USP45: variants seen among roughly 807,000 people sequenced by gnomAD.
The protein encoded by USP45 is ubiquitin specific peptidase 45.
A neutral mutation model predicts 95.8 loss-of-function variants in USP45; 89 were observed. That is an observed-to-expected ratio of 0.93 (90% CI 0.78 to 1.11). The LOEUF (loss-of-function observed/expected upper bound fraction) is 1.11. Among genes scored for constraint, USP45 ranks in the 50% least tolerant of loss-of-function variants. USP45 has a pLI of 0.00. For missense variants in USP45, 898 were observed against 942.5 expected (o/e 0.95, Z 0.62); for synonymous variants, 281 against 316.2 (o/e 0.89, Z 1.18).
Position 99,435,774 on chromosome 6 carries a change from G to A in USP45, c.2387C>T (p.Pro796Leu). Residue 796 changes from proline to leucine, a missense_variant, in exon 18 of 18, where the codon CCA becomes CTA. Coordinates refer to ENST00000500704, the MANE Select transcript of USP45 (RefSeq NM_001346022.3). ...HVSDTYLQVV[P>L]ESRALSAQAY... The stretch of plus-strand genomic sequence containing the variant: ...TTGTGCACTAAGTGCTCTTGATTCT[G>A]GAACCACCTGTAAGTAAGTGTCACT... 3 of 1,613,542 alleles carry A rather than the reference G, an allele frequency of 1.9e-6. No homozygotes were observed. Among genetic ancestry groups the A allele is most frequent in the Non-Finnish European group, 2.5e-6 (3 of 1,179,566 alleles).
At chr6:99,488,880 T>A in intron 5 of USP45, 60 bp from the exon 6 acceptor site, 1 of 1,240,344 alleles carries the variant, frequency 8.1e-7, no homozygotes, top group Middle Eastern at 2.9e-4. Flanking sequence ...TCACTTAACA[T>A]AATTTATATA....
chr6:99,442,288 G>A (rs1055020665), intron 15 of USP45, among the ~76,000 whole-genome samples: 3 of 152,072 alleles, frequency 2.0e-5, no homozygotes, highest in African/African-American at 4.8e-5. Context: ...TCCATTAGGC[G>A]CTCTGATATG....
chr6:99,466,718 A>C lies in USP45; in HGVS notation c.1061T>G (p.Phe354Cys). 6.2e-7 allele frequency: 1 copy of C among 1,613,598 alleles called. No homozygotes were observed. The highest frequency in any genetic ancestry group is 8.5e-7 in the Non-Finnish European group (1 of 1,179,728). ...GVKMNFIDRI[F>C]IGELTSTVMC... The stretch of plus-strand genomic sequence containing the variant: ...GACCGTGCTAGTTAATTCACCAATA[A>C]AGATCCGATCTATGAAGTTCATTTT... Residue 354 changes from phenylalanine to cysteine, a missense_variant, in exon 11 of 18, where the codon TTT becomes TGT. By Grantham distance (205) the Phe-to-Cys change is radical. Transcript: ENST00000500704.
At chr6:99,454,286 C>A (rs1204718374) in intron 13 of USP45, among the ~76,000 whole-genome samples, 1 of 152,180 alleles carries the variant, frequency 6.6e-6, no homozygotes, top group Non-Finnish European at 1.5e-5. Flanking sequence ...AGAATGTTAT[C>A]TCTCACCATA....
At chr6:99,496,199 G>A (rs1393089723) in intron 5 of USP45, among the ~76,000 whole-genome samples, 1 of 151,996 alleles carries the variant, frequency 6.6e-6, no homozygotes, top group Non-Finnish European at 1.5e-5. Context: ...GTCTATGCTC[G>A]TCCTGAAGAA....
Position 99,488,218 on chromosome 6 carries a change from A to G in USP45, c.696T>C (p.Pro232=). The change falls in exon 7 of 18, where the codon CCT becomes CCC. Residue 232 remains proline (P), a synonymous_variant. Coordinates refer to ENST00000500704, the MANE Select transcript of USP45 (RefSeq NM_001346022.3). ...TACTCACCAGCTGAGAGTCTGAGGAAGGAAAAATCTTGAGTTTTGTACTAC... is the reference window on the plus strand; with the variant it reads ...TACTCACCAGCTGAGAGTCTGAGGAGGGAAAAATCTTGAGTTTTGTACTAC... ...KESSTKLKIF[P]SSDSQLDPLV... 1.2e-6 allele frequency: 2 copies of G among 1,611,056 alleles called. No homozygotes were observed. The highest frequency in any genetic ancestry group is 1.7e-6 in the Non-Finnish European group (2 of 1,177,890).
intron 1 of USP45, among the ~76,000 whole-genome samples, chr6:99,510,868 C>T (rs1321170551): frequency 6.6e-6 from 1 of 152,062 alleles, no homozygotes; most frequent in African/African-American, 2.4e-5. Context: ...GTAAGTATTG[C>T]TTCTGGATAA....
chr6:99,495,017 C>A (rs1796003274), intron 5 of USP45, among the ~76,000 whole-genome samples: 1 of 152,078 alleles, frequency 6.6e-6, no homozygotes, highest in Admixed American at 6.6e-5. Flanking sequence ...CAAAGCATGA[C>A]CCCAAAGGCT....
Position 99,464,685 on chromosome 6 carries a change from A to G in USP45, c.1227T>C (p.His409=). The change falls in exon 13 of 18, where the codon CAT becomes CAC. Residue 409 remains histidine (H), a synonymous_variant. Coordinates refer to ENST00000500704, the MANE Select transcript of USP45 (RefSeq NM_001346022.3). ...TAGTAACATTGCCACTGTATCGATC[A>G]TGATCTGTCTCCCGTAAACTTCTAT... ...NKYRSLRETD[H]DRYSGNVTIE... is the part of the protein sequence containing the mutation. 6.2e-7 allele frequency: 1 copy of G among 1,613,086 alleles called. No individual in the cohort carries two copies. Among genetic ancestry groups the G allele is most frequent in the Non-Finnish European group, 8.5e-7 (1 of 1,179,820 alleles).
At chr6:99,455,761 T>C (rs974454241) in intron 13 of USP45, among the ~76,000 whole-genome samples, 3 of 130,338 alleles carry the variant, frequency 2.3e-5, no homozygotes, top group Non-Finnish European at 3.1e-5. Context: ...TTATGTTAAG[T>C]AAGGCAAGCT....
At chr6:99,496,863 T>G (rs547723595) in intron 5 of USP45, among the ~76,000 whole-genome samples, 177 of 152,060 alleles carry the variant, frequency 1.2e-3, no homozygotes, top group African/African-American at 4.2e-3. Flanking sequence ...ATGCATAGCC[T>G]CCATTATCAA....
rs189818763 is a variant in USP45 at position 99,495,903 on chromosome 6, T to C, written c.479-7083A>G. Among the ~76,000 whole-genome samples the C allele has an allele frequency of 2.6e-5, 4 of 152,340 alleles. No homozygotes were observed. In the East Asian group the frequency reaches 7.7e-4, roughly 29 times the overall value. On this transcript the variant is annotated intron_variant, in intron 5 of 17. Transcript: ENST00000500704. ...TATGTATCTGGAAGGATACTAGTTA[T>C]GTGACATCTTTGGGAAAACTGAGAA... is the stretch of plus-strand genomic sequence containing the variant.
chr6:99,465,242 G>A (rs577747054), intron 11 of USP45, 106 bp from the exon 12 acceptor site: 10 of 795,132 alleles, frequency 1.3e-5, no homozygotes, highest in African/African-American at 1.7e-5. Flanking sequence ...AAAATTTTAC[G>A]TTAAAAACTG....
intron 13 of USP45, among the ~76,000 whole-genome samples, chr6:99,447,449 G>C (rs1782779491): frequency 6.6e-6 from 1 of 152,130 alleles, no homozygotes; most frequent in South Asian, 2.1e-4. Context: ...TAGCCAACAA[G>C]TTCCACTCCG....
chr6:99,488,626 C>A (rs1389806567), intron 6 of USP45, 55 bp downstream of exon 6: 2 of 1,540,392 alleles, frequency 1.3e-6, no homozygotes, highest in Admixed American at 2.1e-5. Flanking sequence ...GAGCCAATGA[C>A]TACATAAATT....
chr6:99,510,493 C>A (rs1374894030), intron 1 of USP45, among the ~76,000 whole-genome samples: 1 of 152,180 alleles, frequency 6.6e-6, no homozygotes, highest in Non-Finnish European at 1.5e-5. Context: ...ATATGTTGAA[C>A]TCTAATCCCC....
At chr6:99,444,401 T>G (rs773365970) in intron 14 of USP45, among the ~76,000 whole-genome samples, 1 of 152,212 alleles carries the variant, frequency 6.6e-6, no homozygotes, top group Non-Finnish European at 1.5e-5. Context: ...ATTTCTTTAT[T>G]ACTAGTGTAT....
At chr6:99,468,658 T>C in intron 9 of USP45, 40 bp from the exon 10 acceptor site, 1 of 1,358,316 alleles carries the variant, frequency 7.4e-7, no homozygotes, top group Non-Finnish European at 1.0e-6. Flanking sequence ...TAATAATAGT[T>C]AACTCAGGCC....
chr6:99,481,592 C>T (rs903639993), intron 8 of USP45, among the ~76,000 whole-genome samples: 2 of 151,976 alleles, frequency 1.3e-5, no homozygotes, highest in Admixed American at 6.6e-5. Flanking sequence ...TGCAAAGGTC[C>T]GGAGTACGAA....
Sources: allele counts gnomAD v4.1 joint callset (sites outside exome capture counted in the v4.1 genomes callset), GRCh38; gene constraint gnomAD v4.1.1; transcripts MANE v1.5; gene names NCBI Gene and HGNC (gene_info 2026-07-23, HGNC 2026-07-21).